The following AVPR1A variants were observed in gnomAD, a reference collection of about 807,000 sequenced individuals.
AVPR1A encodes vasopressin V1a receptor.
A neutral mutation model predicts 31.5 loss-of-function variants in AVPR1A; 31 were observed. The ratio of observed to expected loss-of-function variants is 0.99; its 90% CI spans 0.74 to 1.33. The LOEUF is 1.33. Among genes scored for constraint, AVPR1A ranks in the 40% most tolerant of loss-of-function variants. AVPR1A has a pLI of 0.00. For missense variants in AVPR1A, 570 were observed against 575.2 expected (o/e 0.99, Z 0.09); for synonymous variants, 243 against 233.2 (o/e 1.04, Z -0.38).
intron 1 of AVPR1A, 94 bp downstream of exon 1, chr12:63,149,772 TC>T (rs879111421): frequency 0.19 from 105,412 of 562,020 alleles, 3,907 homozygotes; most frequent in South Asian, 0.25. Context: ...CTCATTTTTT[TC>T]TCTCTCTCTC....
intron 1 of AVPR1A, among the ~76,000 whole-genome samples, chr12:63,148,078 A>G (rs1868384639): frequency 6.6e-6 from 1 of 152,198 alleles, no homozygotes; most frequent in Non-Finnish European, 1.5e-5. Context: ...TCAGGAAAAA[A>G]TATTGCATTA....
rs1478849841 is a variant in AVPR1A, at chr12:63,147,428, G to T, written c.1188C>A (p.Asn396Lys). The T allele has an allele frequency of 1.2e-6, 2 of 1,614,000 alleles. No individual in the cohort carries two copies. Among genetic ancestry groups the T allele is most frequent in the South Asian group, 2.2e-5 (2 of 91,088 alleles). ...GCGAGTCCTTCCACATACCCGTACT[G>T]TTTGTTGGGCTTCGATTGTTAGAAT... ...TFYSNNRSPT[N>K]STGMWKDSPK... Residue 396 changes from asparagine to lysine, a missense_variant, in exon 2 of 2, where the codon AAC becomes AAA. Physicochemically the swap from Asn to Lys is moderately conservative, Grantham distance 94 (BLOSUM62 0). Transcript: ENST00000299178.
rs1300332766 is a variant in AVPR1A at position 63,146,446 on chromosome 12, A to C, written c.*913T>G. ...TCATATTATGAATCTGAATTCCCCA[A>C]ACATGAAGATAATGATCTTGTTAAT... On this transcript the variant is annotated 3_prime_UTR_variant, in exon 2 of 2. Coordinates refer to ENST00000299178, the MANE Select transcript of AVPR1A (RefSeq NM_000706.5). The C allele has an allele frequency of 2.0e-5, 3 of 152,198 alleles. No homozygotes were observed. Among genetic ancestry groups the C allele is most frequent in the Non-Finnish European group, 4.4e-5 (3 of 68,050 alleles). The allele number at this position is 152,198 out of a possible 1,614,324, so 9.4% of individuals were successfully genotyped here. A position where few individuals can be genotyped will look rare whatever the true frequency, so the allele number is the denominator to read the frequency against.
Position 63,149,788 on chromosome 12 carries a change from T to A in AVPR1A, c.970+79A>T, listed in dbSNP as rs1187422094. On this transcript the variant is annotated intron_variant, in intron 1 of 1. Coordinates refer to ENST00000299178, the MANE Select transcript of AVPR1A (RefSeq NM_000706.5). ...TCATTTTTTTCTCTCTCTCTCTCTC[T>A]CTCTCTCTCTCACACACACACACAC... 1,889 of 1,472,712 alleles carry A rather than the reference T, an allele frequency of 1.3e-3. 27 individuals are homozygous for A. In the African/African-American group the frequency reaches 0.026, roughly 20 times the overall value. 91.2% of individuals were successfully genotyped at this position (1,472,712 alleles called of 1,614,324 possible).
Position 63,150,362 on chromosome 12 carries a change from T to C in AVPR1A, c.475A>G (p.Thr159Ala), listed in dbSNP as rs1301868002. Residue 159 changes from threonine to alanine, a missense_variant, in exon 1 of 2, where the codon ACT (threonine) becomes GCT (alanine). Thr to Ala is a moderately conservative substitution (Grantham distance 58). Transcript: ENST00000299178. This position sits in a 1 kb window ranked among gnomAD's most constrained non-coding sequence, Gnocchi z 4.9. ...GAGCGGCGCGCGGGCTGTTGCAGAG[T>C]CTTGAGCGGGTGGCACACCGCGATG... ...RYIAVCHPLK[T>A]LQQPARRSRL... 1.2e-6 allele frequency: 2 copies of C among 1,613,568 alleles called. No individual in the cohort carries two copies. Among genetic ancestry groups the C allele is most frequent in the South Asian group, 1.1e-5 (1 of 91,062 alleles).
rs1270111638 is a variant in AVPR1A, at chr12:63,150,847, C to T, written c.-11G>A. ...GGCGGAGAGACGCATGCTGTCCATGCAGCTCCTACTCGGCCCTCTTCGGAG... is the reference window on the plus strand; with the variant it reads ...GGCGGAGAGACGCATGCTGTCCATGTAGCTCCTACTCGGCCCTCTTCGGAG... On this transcript the variant is annotated 5_prime_UTR_variant, in exon 1 of 2. Coordinates refer to ENST00000299178, the MANE Select transcript of AVPR1A (RefSeq NM_000706.5). This position sits in a 1 kb window ranked among gnomAD's most constrained non-coding sequence, Gnocchi z 4.9. 3 of 1,561,050 alleles carry T rather than the reference C, an allele frequency of 1.9e-6. No individual in the cohort carries two copies. The highest frequency in any genetic ancestry group is 2.3e-5 in the South Asian group (2 of 86,914).
chr12:63,147,790 G>T, intron 1 of AVPR1A, 145 bp from the exon 2 acceptor site: 2 of 903,996 alleles, frequency 2.2e-6, no homozygotes, highest in Non-Finnish European at 3.2e-6. Context: ...GAAATGGGGA[G>T]TGTTTGAAAA....
rs1291685585 is a variant in AVPR1A, at chr12:63,143,425, G to A, written c.*3934C>T. ...ATTTTCATTCATGATAACTTAGTAT[G>A]CCTAATAATTATGTTAAAACAATAT... On this transcript the variant is annotated 3_prime_UTR_variant, in exon 2 of 2. Coordinates refer to ENST00000299178, the MANE Select transcript of AVPR1A (RefSeq NM_000706.5). 2 of 152,030 alleles carry A rather than the reference G, an allele frequency of 1.3e-5. No homozygotes were observed. Among genetic ancestry groups the A allele is most frequent in the African/African-American group, 2.4e-5 (1 of 41,404 alleles). 9.4% of individuals were successfully genotyped at this position (152,030 alleles called of 1,614,324 possible). A position where few individuals can be genotyped will look rare whatever the true frequency, so the allele number is the denominator to read the frequency against.
At position 63,146,472 on chromosome 12, in the gene AVPR1A, G is replaced by C. The variant is rs1868360892; in HGVS notation, c.*887C>G. On this transcript the variant is annotated 3_prime_UTR_variant, in exon 2 of 2. Transcript: ENST00000299178. ...ACATGAAGATAATGATCTTGTTAAT[G>C]TCCAGCATAGCACAGGATACCCTTG... 1 of 152,202 alleles carries C rather than the reference G, an allele frequency of 6.6e-6. No homozygotes were observed. Among genetic ancestry groups the C allele is most frequent in the African/African-American group, 2.4e-5 (1 of 41,448 alleles). The allele number at this position is 152,202 out of a possible 1,614,324, so 9.4% of individuals were successfully genotyped here.
At position 63,150,395 on chromosome 12, in the gene AVPR1A, C is replaced by G; in HGVS notation, c.442G>C (p.Asp148His). 6.2e-7 allele frequency: 1 copy of G among 1,613,838 alleles called. No individual in the cohort carries two copies. The highest frequency in any genetic ancestry group is 8.5e-7 in the Non-Finnish European group (1 of 1,179,978). ...SAYMLVVMTA[D>H]RYIAVCHPLK... ...GGGTGGCACACCGCGATGTAGCGGT[C>G]GGCTGTCATGACTACCAGCATGTAG... The change falls in exon 1 of 2, where the codon GAC (aspartate) becomes CAC (histidine). Residue 148 changes from aspartate (D) to histidine (H), a missense_variant. Coordinates refer to ENST00000299178, the MANE Select transcript of AVPR1A (RefSeq NM_000706.5). This position sits in a 1 kb window ranked among gnomAD's most constrained non-coding sequence, Gnocchi z 4.9.
In AVPR1A at chr12:63,150,832, C is replaced by T. The variant is rs991062220; in HGVS notation, c.5G>A (p.Arg2His). Reference sequence around the variant, plus strand: ...CCCCGCGTCGGGACCGGCGGAGAGACGCATGCTGTCCATGCAGCTCCTACT... The same window carrying T: ...CCCCGCGTCGGGACCGGCGGAGAGATGCATGCTGTCCATGCAGCTCCTACT... M[R>H]LSAGPDAGPS... Residue 2 changes from arginine (R) to histidine (H), a missense_variant, in exon 1 of 2, where the codon CGT becomes CAT. Coordinates refer to ENST00000299178, the MANE Select transcript of AVPR1A (RefSeq NM_000706.5). This position sits in a 1 kb window ranked among gnomAD's most constrained non-coding sequence, Gnocchi z 4.9. 2 of 1,583,078 alleles carry T rather than the reference C, an allele frequency of 1.3e-6. No individual in the cohort carries two copies. Among genetic ancestry groups the T allele is most frequent in the Non-Finnish European group, 8.5e-7 (1 of 1,172,298 alleles).
Position 63,149,772 on chromosome 12 carries a change from TCTCTCTC to T in AVPR1A, c.970+88_970+94del, listed in dbSNP as rs1165559867. 3.8e-3 allele frequency: 2,269 copies of T among 602,282 alleles called. 29 individuals are homozygous for T. The African/African-American group carries it at 0.043, about 11-fold the overall frequency. The allele number at this position is 602,282 out of a possible 1,614,324, so 37.3% of individuals were successfully genotyped here. ...GAAAATTGCTAGATTCTCATTTTTTTCTCTCTCTCTCTCTCTCTCTCTCTCTCACACA... is the reference window on the plus strand; with the variant it reads ...GAAAATTGCTAGATTCTCATTTTTTTTCTCTCTCTCTCTCTCTCTCACACA... On this transcript the variant is annotated intron_variant, in intron 1 of 1. Coordinates refer to ENST00000299178, the MANE Select transcript of AVPR1A (RefSeq NM_000706.5).
At position 63,146,000 on chromosome 12, in the gene AVPR1A, C is replaced by A. The variant is rs887445406; in HGVS notation, c.*1359G>T. The A allele has an allele frequency of 2.6e-5, 4 of 152,162 alleles. No homozygotes were observed. Among genetic ancestry groups the A allele is most frequent in the African/African-American group, 4.8e-5 (2 of 41,404 alleles). The allele number at this position is 152,162 out of a possible 1,614,324, so 9.4% of individuals were successfully genotyped here. On this transcript the variant is annotated 3_prime_UTR_variant, in exon 2 of 2. Coordinates refer to ENST00000299178, the MANE Select transcript of AVPR1A (RefSeq NM_000706.5). The stretch of plus-strand genomic sequence containing the variant: ...TTTATATCCCAGCCATGAAATGAAC[C>A]AATTCTAGTTAATGAAAAATAAACT...
At position 63,147,076 on chromosome 12, in the gene AVPR1A, G is replaced by A; in HGVS notation, c.*283C>T. 1 of 352,246 alleles carries A rather than the reference G, an allele frequency of 2.8e-6. No homozygotes were observed. Among genetic ancestry groups the A allele is most frequent in the South Asian group, 6.4e-5 (1 of 15,538 alleles). 21.8% of individuals were successfully genotyped at this position (352,246 alleles called of 1,614,324 possible). On this transcript the variant is annotated 3_prime_UTR_variant, in exon 2 of 2. Coordinates refer to ENST00000299178, the MANE Select transcript of AVPR1A (RefSeq NM_000706.5). ...AAAGAAACTAACAACAAAATATAAA[G>A]CTAGGGTGGTTATGATTTTTCCTTT...
rs1868335973 is a variant in AVPR1A, at chr12:63,143,515, C to T, written c.*3844G>A. ...GTGTGATTCGAACCATTTACACTGTCTTAAGCACTCAAAAGAAAGAAACTG... is the reference window on the plus strand; with the variant it reads ...GTGTGATTCGAACCATTTACACTGTTTTAAGCACTCAAAAGAAAGAAACTG... On this transcript the variant is annotated 3_prime_UTR_variant, in exon 2 of 2. Transcript: ENST00000299178. 6.6e-6 allele frequency: 1 copy of T among 152,294 alleles called. No individual in the cohort carries two copies. The highest frequency in any genetic ancestry group is 2.4e-5 in the African/African-American group (1 of 41,572). The allele number at this position is 152,294 out of a possible 1,614,324, so 9.4% of individuals were successfully genotyped here. A position where few individuals can be genotyped will look rare whatever the true frequency, so the allele number is the denominator to read the frequency against.
chr12:63,147,543 T>C lies in AVPR1A; in HGVS notation c.1073A>G (p.Asp358Gly). ...GCAGCATGGGAAGCTTTGAACACAG[T>C]CTTGAAGGAGATGGCCACTAAAAAA... ...YMFFSGHLLQ[D>G]CVQSFPCCQN... is the part of the protein sequence containing the mutation. The change falls in exon 2 of 2, where the codon GAC becomes GGC. Residue 358 changes from aspartate to glycine, a missense_variant. Asp to Gly is a moderately conservative substitution (Grantham distance 94, BLOSUM62 -1). Coordinates refer to ENST00000299178, the MANE Select transcript of AVPR1A (RefSeq NM_000706.5). 1.2e-6 allele frequency: 2 copies of C among 1,614,138 alleles called. No homozygotes were observed. The highest frequency in any genetic ancestry group is 1.7e-6 in the Non-Finnish European group (2 of 1,180,006).
At position 63,150,268 on chromosome 12, in the gene AVPR1A, G is replaced by A. The variant is rs1565878986; in HGVS notation, c.569C>T (p.Ser190Phe). 1 of 1,613,926 alleles carries A rather than the reference G, an allele frequency of 6.2e-7. No individual in the cohort carries two copies. Among genetic ancestry groups the A allele is most frequent in the South Asian group, 1.1e-5 (1 of 91,074 alleles). Residue 190 changes from serine (S) to phenylalanine (F), a missense_variant, in exon 1 of 2, where the codon TCC becomes TTC. Physicochemically the swap from Ser to Phe is radical, Grantham distance 155. Transcript: ENST00000299178. This position sits in a 1 kb window ranked among gnomAD's most constrained non-coding sequence, Gnocchi z 4.9. Reference protein sequence around the residue: ...VLSTPQYFVFSMIEVNNVTKA... With the variant: ...VLSTPQYFVFFMIEVNNVTKA... ...GGTGACATTGTTCACCTCGATCATGGAGAAGACGAAGTACTGCGGCGTGCT... is the reference window on the plus strand; with the variant it reads ...GGTGACATTGTTCACCTCGATCATGAAGAAGACGAAGTACTGCGGCGTGCT...
At position 63,147,370 on chromosome 12, in the gene AVPR1A, C is replaced by T; in HGVS notation, c.1246G>A (p.Val416Ile). The change falls in exon 2 of 2, where the codon GTT (valine) becomes ATT (isoleucine). Residue 416 changes from valine (V) to isoleucine (I), a missense_variant. By Grantham distance (29) the Val-to-Ile change is conservative. Transcript: ENST00000299178. ...KSSKSIKFIP[V>I]ST ...CATGAATGCAAGGCTCAAGTTGAAA[C>T]AGGAATGAATTTGATGGACTTGGAA... The T allele has an allele frequency of 1.9e-6, 3 of 1,611,668 alleles. No homozygotes were observed. Among genetic ancestry groups the T allele is most frequent in the Non-Finnish European group, 2.5e-6 (3 of 1,177,838 alleles).
In AVPR1A at chr12:63,145,218, C is replaced by A; in HGVS notation, c.*2141G>T. 9.6e-6 allele frequency: 3 copies of A among 311,698 alleles called. No homozygotes were observed. Among genetic ancestry groups the A allele is most frequent in the Non-Finnish European group, 1.9e-5 (3 of 158,998 alleles). 19.3% of individuals were successfully genotyped at this position (311,698 alleles called of 1,614,324 possible). On this transcript the variant is annotated 3_prime_UTR_variant, in exon 2 of 2. Transcript: ENST00000299178. ...TTTTTAGAAAGAAGAATTTGAAAACCTAGGGAGTCCCTAGGTTTATAATCT... is the reference window on the plus strand; with the variant it reads ...TTTTTAGAAAGAAGAATTTGAAAACATAGGGAGTCCCTAGGTTTATAATCT...
Sources: allele counts gnomAD v4.1 joint callset (sites outside exome capture counted in the v4.1 genomes callset), GRCh38; gene constraint gnomAD v4.1.1; non-coding constraint Gnocchi (gnomAD v3.1); transcripts MANE v1.5; gene names NCBI Gene and HGNC (gene_info 2026-07-23, HGNC 2026-07-21).